The following DGKB variants were observed in gnomAD, a reference collection of about 807,000 sequenced individuals.
The protein encoded by DGKB is diacylglycerol kinase beta.
In DGKB, 67 loss-of-function variants were observed where a neutral mutation model predicts 114.3. The ratio of observed to expected loss-of-function variants is 0.59; its 90% CI spans 0.48 to 0.72. DGKB has a LOEUF of 0.72. Ranked by LOEUF, DGKB falls within the 30% of genes least tolerant of loss-of-function variation. The pLI is 0.00. For missense variants in DGKB, 907 were observed against 975.2 expected (o/e 0.93, Z 0.93); for synonymous variants, 398 against 323.1 (o/e 1.23, Z -2.49).
At chr7:14,563,232 A>C (rs1445639333) in intron 20 of DGKB, among the ~76,000 whole-genome samples, 1 of 152,148 alleles carries the variant, frequency 6.6e-6, no homozygotes, top group African/African-American at 2.4e-5. Context: ...TTTTCTTTAT[A>C]AATTACGTAG....
At chr7:14,370,311 C>G (rs938670690) in intron 21 of DGKB, among the ~76,000 whole-genome samples, 7 of 150,460 alleles carry the variant, frequency 4.7e-5, no homozygotes, top group African/African-American at 7.3e-5. Context: ...TCTATATATG[C>G]TGTTTTGGTT....
intron 23 of DGKB, among the ~76,000 whole-genome samples, chr7:14,182,383 T>C (rs1438124187): frequency 6.6e-6 from 1 of 152,054 alleles, no homozygotes; most frequent in Non-Finnish European, 1.5e-5. Flanking sequence ...TAATTTTTCA[T>C]AGAAAAGCAT....
At position 14,921,222 on chromosome 7, in the gene DGKB, C is replaced by T. The variant is rs191771404; in HGVS notation, c.-188+53474G>A. Among the ~76,000 whole-genome samples the T allele has an allele frequency of 3.3e-5, 5 of 152,204 alleles. No homozygotes were observed. In the East Asian group the frequency reaches 5.8e-4, roughly 18 times the overall value. Reference sequence around the variant, plus strand: ...AGATTTTTAGGGTGTCAAAACTATTCTACATGAAACTGTAATTGTGGATGC... The same window carrying T: ...AGATTTTTAGGGTGTCAAAACTATTTTACATGAAACTGTAATTGTGGATGC... On this transcript the variant is annotated intron_variant, in intron 1 of 4. Coordinates refer to the DGKB transcript ENST00000437998.
At chr7:14,597,521 T>C (rs1802790240) in intron 17 of DGKB, among the ~76,000 whole-genome samples, 1 of 152,170 alleles carries the variant, frequency 6.6e-6, no homozygotes, top group Admixed American at 6.6e-5. Flanking sequence ...TAGGCTAAAC[T>C]TGTCTTGATT....
intron 21 of DGKB, among the ~76,000 whole-genome samples, chr7:14,428,217 T>A (rs2128781123): frequency 6.6e-6 from 1 of 152,224 alleles, no homozygotes; most frequent in African/African-American, 2.4e-5. Context: ...CAATATTCTT[T>A]CATTTTGACT....
At chr7:14,693,710 T>C (rs760011243) in intron 9 of DGKB, among the ~76,000 whole-genome samples, 13 of 151,874 alleles carry the variant, frequency 8.6e-5, no homozygotes, top group African/African-American at 2.2e-4. Flanking sequence ...AGGAGGAACA[T>C]TGAAATAATG....
chr7:14,499,791 G>A (rs553848923), intron 20 of DGKB, among the ~76,000 whole-genome samples: 1 of 151,878 alleles, frequency 6.6e-6, no homozygotes, highest in African/African-American at 2.4e-5. Context: ...GTAAATGACA[G>A]AAATTGCTCA....
At chr7:14,152,069 T>C (rs145748349) in intron 25 of DGKB, among the ~76,000 whole-genome samples, 54 of 152,200 alleles carry the variant, frequency 3.5e-4, no homozygotes, top group African/African-American at 1.3e-3. Context: ...CCTGTAATTA[T>C]GACTCTGATG....
intron 7 of DGKB, among the ~76,000 whole-genome samples, chr7:14,698,991 G>A (rs888207486): frequency 6.6e-6 from 1 of 151,982 alleles, no homozygotes; most frequent in African/African-American, 2.4e-5. Context: ...TAGTCAAAGA[G>A]TATTCTACTC....
intron 20 of DGKB, among the ~76,000 whole-genome samples, chr7:14,567,437 T>C (rs1353331460): frequency 1.7e-5 from 1 of 60,142 alleles, no homozygotes; most frequent in African/African-American, 6.7e-5. Flanking sequence ...ATATATATAA[T>C]TATATTATAT....
At chr7:14,770,164 C>T (rs1241671752) in intron 2 of DGKB, among the ~76,000 whole-genome samples, 1 of 152,018 alleles carries the variant, frequency 6.6e-6, no homozygotes, top group Non-Finnish European at 1.5e-5. Flanking sequence ...TTTAGGGCCT[C>T]TGAGAAGCCT....
chr7:14,554,058 G>C (rs777717846), intron 20 of DGKB, among the ~76,000 whole-genome samples: 7 of 151,848 alleles, frequency 4.6e-5, no homozygotes, highest in African/African-American at 4.8e-5. Flanking sequence ...TTTTTTAGTA[G>C]AGACGGGGTT....
chr7:14,936,575 A>G (rs764742060), intron 1 of DGKB, among the ~76,000 whole-genome samples: 13 of 152,128 alleles, frequency 8.5e-5, no homozygotes, highest in Admixed American at 8.5e-4. Context: ...TCATGTCTTC[A>G]AAAAGAAGCA....
At chr7:14,746,673 A>G (rs1833335729) in intron 4 of DGKB, among the ~76,000 whole-genome samples, 1 of 151,904 alleles carries the variant, frequency 6.6e-6, no homozygotes, top group African/African-American at 2.4e-5. Context: ...TAATTTTTGT[A>G]TTTTTAGTAG....
At chr7:14,851,858 T>A (rs1849395119) in intron 1 of DGKB, among the ~76,000 whole-genome samples, 1 of 152,142 alleles carries the variant, frequency 6.6e-6, no homozygotes, top group Non-Finnish European at 1.5e-5. Flanking sequence ...GCAAGCCAGC[T>A]TCCACCCCCA....
chr7:14,808,579 C>T (rs1017999145), intron 2 of DGKB, among the ~76,000 whole-genome samples: 13 of 151,878 alleles, frequency 8.6e-5, no homozygotes, highest in Non-Finnish European at 1.9e-4. Context: ...AAGTTTTGCA[C>T]AAGATAAAGA....
chr7:14,631,370 T>A (rs1809677584), intron 13 of DGKB, among the ~76,000 whole-genome samples: 1 of 150,824 alleles, frequency 6.6e-6, no homozygotes, highest in Non-Finnish European at 1.5e-5. Context: ...TTCAGTGCAC[T>A]CAAAAGTGAC....
At chr7:14,915,557 T>C (rs1784202148) in intron 1 of DGKB, among the ~76,000 whole-genome samples, 2 of 152,112 alleles carry the variant, frequency 1.3e-5, no homozygotes, top group Admixed American at 1.3e-4. Context: ...AGAGAAAATA[T>C]TGACAAATGT....
intron 21 of DGKB, among the ~76,000 whole-genome samples, chr7:14,400,445 C>T (rs1290655330): frequency 6.6e-6 from 1 of 151,798 alleles, no homozygotes; most frequent in African/African-American, 2.4e-5. Flanking sequence ...GCACCATATT[C>T]TCCAGAGATC....
Sources: allele counts gnomAD v4.1 joint callset (sites outside exome capture counted in the v4.1 genomes callset), GRCh38; gene constraint gnomAD v4.1.1; transcripts MANE v1.5; gene names NCBI Gene and HGNC (gene_info 2026-07-23, HGNC 2026-07-21).